The following DCDC2 variants were observed in gnomAD, a reference collection of about 807,000 sequenced individuals.
The protein encoded by DCDC2 is doublecortin domain containing 2, also known as doublecortin domain-containing protein 2.
In DCDC2, 40 loss-of-function variants were observed where a neutral mutation model predicts 50.2. That is an observed-to-expected ratio of 0.80 (90% CI 0.62 to 1.04). The LOEUF (loss-of-function observed/expected upper bound fraction) is 1.04. Ranked by LOEUF, DCDC2 falls within the 50% of genes least tolerant of loss-of-function variation. DCDC2 has a pLI of 0.00. For synonymous variants in DCDC2, 234 were observed against 210.6 expected, an observed-to-expected ratio of 1.11 and a Z score of -0.96; for missense variants, 570 against 581.9, an observed-to-expected ratio of 0.98 and a Z score of 0.21.
chr6:24,275,647 A>G (rs904211302), intron 7 of DCDC2, among the ~76,000 whole-genome samples: 5 of 152,178 alleles, frequency 3.3e-5, no homozygotes, highest in African/African-American at 1.2e-4. Context: ...ACATTATAAA[A>G]CCACATTGGA....
At chr6:24,218,944 A>G (rs9467081) in intron 7 of DCDC2, among the ~76,000 whole-genome samples, 18,610 of 152,264 alleles carry the variant, frequency 0.12, 1,279 homozygotes, top group African/African-American at 0.17. Flanking sequence ...GGTATCTTCC[A>G]GATATCCTTG....
chr6:24,354,955 G>T (rs1218035709), intron 1 of DCDC2, among the ~76,000 whole-genome samples: 1 of 152,078 alleles, frequency 6.6e-6, no homozygotes, highest in Non-Finnish European at 1.5e-5. Flanking sequence ...AACATTTAGG[G>T]TCTAAATGAA....
chr6:24,239,475 T>G (rs183386359), intron 7 of DCDC2, among the ~76,000 whole-genome samples: 7 of 152,310 alleles, frequency 4.6e-5, no homozygotes, highest in Admixed American at 4.6e-4. Flanking sequence ...CAAAGCCAAT[T>G]CACTTTCTTC....
chr6:24,237,761 C>T (rs1187567785), intron 7 of DCDC2, among the ~76,000 whole-genome samples: 1 of 152,088 alleles, frequency 6.6e-6, no homozygotes, highest in African/African-American at 2.4e-5. Flanking sequence ...GAAATCATGT[C>T]CTCTGCAGCA....
chr6:24,236,756 C>A (rs1458769872), intron 7 of DCDC2, among the ~76,000 whole-genome samples: 1 of 152,042 alleles, frequency 6.6e-6, no homozygotes, highest in Non-Finnish European at 1.5e-5. Flanking sequence ...ACACCTGTAA[C>A]CCCAGCACTT....
intron 7 of DCDC2, among the ~76,000 whole-genome samples, chr6:24,274,605 CAAAAAAA>C (rs61569208): frequency 1.8e-4 from 15 of 82,414 alleles, no homozygotes; most frequent in African/African-American, 6.4e-4. Flanking sequence ...GAAACAGAGT[CAAAAAAA>C]AAAAAAAAAA....
At chr6:24,365,268 C>T in the DCDC2 span, among the ~76,000 whole-genome samples, 1 of 152,314 alleles carries the variant, frequency 6.6e-6, no homozygotes, top group Non-Finnish European at 1.5e-5. Context: ...TACTGCTCAT[C>T]CTCATTGCCT....
chr6:24,357,379 G>GA, intron 1 of DCDC2, 79 bp downstream of exon 1: 1 of 1,468,160 alleles, frequency 6.8e-7, no homozygotes, highest in Non-Finnish European at 9.1e-7. Flanking sequence ...GTGTGGGGGG[G>GA]TAGGGATCTG....
intron 7 of DCDC2, among the ~76,000 whole-genome samples, chr6:24,233,065 C>T (rs1412452051): frequency 2.0e-5 from 3 of 152,190 alleles, no homozygotes; most frequent in African/African-American, 7.2e-5. Flanking sequence ...CAAGGGGACA[C>T]AAACTCTGTG....
intron 6 of DCDC2, among the ~76,000 whole-genome samples, chr6:24,288,356 G>A (rs1763662918): frequency 6.6e-6 from 1 of 152,166 alleles, no homozygotes; most frequent in Non-Finnish European, 1.5e-5. Flanking sequence ...CCACAGAGTA[G>A]GTATTTAATA....
chr6:24,246,334 A>G (rs9393540), intron 7 of DCDC2, among the ~76,000 whole-genome samples: 72,961 of 151,908 alleles, frequency 0.48, 20,578 homozygotes, highest in Non-Finnish European at 0.61. Context: ...ATTATTCCAA[A>G]TGACTAGATC....
chr6:24,188,735 T>A (rs1029910518), intron 8 of DCDC2, among the ~76,000 whole-genome samples: 4 of 152,112 alleles, frequency 2.6e-5, no homozygotes, highest in Non-Finnish European at 4.4e-5. Context: ...AATGCTATAC[T>A]CTTTATAAAG....
rs372907303 is a variant in DCDC2, at chr6:24,225,613, C to A, written c.923-20511G>T. On this transcript the variant is annotated intron_variant, in intron 7 of 9. Transcript: ENST00000378454. ...AGGCAGTCAGATTGTTTTAACTCTT[C>A]ACTTAAATGGTATGAAATTTCTAAT... Among the ~76,000 whole-genome samples the A allele has an allele frequency of 2.2e-4, 33 of 152,256 alleles. 1 individual carries two copies. The highest frequency in any genetic ancestry group is 3.4e-3 in the Middle Eastern group (1 of 294).
chr6:24,340,286 T>C (rs1162315167), intron 2 of DCDC2, among the ~76,000 whole-genome samples: 1 of 152,144 alleles, frequency 6.6e-6, no homozygotes, highest in African/African-American at 2.4e-5. Flanking sequence ...GGTAGCCTAA[T>C]AGGTGAGGAA....
chr6:24,280,653 C>A (rs6941505), intron 6 of DCDC2, among the ~76,000 whole-genome samples: 3,323 of 152,208 alleles, frequency 0.022, 100 homozygotes, highest in African/African-American at 0.072. Context: ...TCTCCTACCT[C>A]AGCCTCCCAA....
chr6:24,298,601 G>A (rs115519999), intron 4 of DCDC2, among the ~76,000 whole-genome samples: 1,740 of 152,234 alleles, frequency 0.011, 35 homozygotes, highest in African/African-American at 0.038. Flanking sequence ...ACCTCATAGG[G>A]TCGCTCAGTT....
intron 7 of DCDC2, among the ~76,000 whole-genome samples, chr6:24,224,164 T>C (rs1471208176): frequency 6.6e-6 from 1 of 152,238 alleles, no homozygotes; most frequent in East Asian, 1.9e-4. Context: ...ATGGGCTCTC[T>C]ATCCAGCTTT....
intron 7 of DCDC2, among the ~76,000 whole-genome samples, chr6:24,219,179 T>C (rs1581593515): frequency 6.6e-6 from 1 of 152,216 alleles, no homozygotes; most frequent in African/African-American, 2.4e-5. Flanking sequence ...TAAGAAAATA[T>C]CTGTTTTAGG....
At chr6:24,178,808 G>A (rs530055763) in intron 8 of DCDC2, among the ~76,000 whole-genome samples, 176 bp from the exon 9 acceptor site, 1 of 152,280 alleles carries the variant, frequency 6.6e-6, no homozygotes, top group South Asian at 2.1e-4. Flanking sequence ...CATGCCACAT[G>A]TTACAAGCAT....
Sources: allele counts gnomAD v4.1 joint callset (sites outside exome capture counted in the v4.1 genomes callset), GRCh38; gene constraint gnomAD v4.1.1; transcripts MANE v1.5; gene names NCBI Gene and HGNC (gene_info 2026-07-23, HGNC 2026-07-21).